Variants in TGFB2 observed in about 807,000 individuals in gnomAD.
TGFB2 encodes transforming growth factor beta 2.
TGFB2 carries 13 observed loss-of-function variants against 42.7 expected under a neutral mutation model. The observed-to-expected ratio is 0.30, with a 90% CI of 0.20 to 0.48. The LOEUF (loss-of-function observed/expected upper bound fraction) is 0.48. TGFB2 is among the 20% of genes least tolerant of loss of function. The probability of loss-of-function intolerance (pLI) is 0.99; values close to 1 mark genes in which losing one functional copy is unlikely to be tolerated. For missense variants in TGFB2, 390 were observed against 517.5 expected, an observed-to-expected ratio of 0.75 and a Z score of 2.39; for synonymous variants, 193 against 193.6, an observed-to-expected ratio of 1.00 and a Z score of 0.03.
intron 1 of TGFB2, among the ~76,000 whole-genome samples, chr1:218,350,004 T>G (rs2102531258): frequency 6.6e-6 from 1 of 152,322 alleles, no homozygotes; most frequent in Non-Finnish European, 1.5e-5. Flanking sequence ...TATGCTAAGG[T>G]TTACCGATAG....
At chr1:218,358,785 G>T (rs1657119848) in intron 1 of TGFB2, among the ~76,000 whole-genome samples, 1 of 152,000 alleles carries the variant, frequency 6.6e-6, no homozygotes, top group Non-Finnish European at 1.5e-5. Flanking sequence ...CTCATGATCT[G>T]CCTGCCTTGG....
At chr1:218,393,361 G>C (rs1203051536) in intron 1 of TGFB2, among the ~76,000 whole-genome samples, 2 of 152,190 alleles carry the variant, frequency 1.3e-5, no homozygotes, top group Non-Finnish European at 2.9e-5. Flanking sequence ...TTCTTAATCT[G>C]TAAAAGAGAT....
intron 1 of TGFB2, among the ~76,000 whole-genome samples, chr1:218,355,936 T>C (rs1011371486): frequency 6.6e-6 from 1 of 152,178 alleles, no homozygotes; most frequent in Non-Finnish European, 1.5e-5. Flanking sequence ...TGAAATCACA[T>C]AAAGGTTTGT....
Position 218,348,173 on chromosome 1 carries a change from G to A in TGFB2, c.346+1126G>A, listed in dbSNP as rs1041101268. ...GAAGAAAAAGAAAAGTGGGGGCGGGGTGGGGGGAACCTCTTCAACATTTGT... is the reference window on the plus strand; with the variant it reads ...GAAGAAAAAGAAAAGTGGGGGCGGGATGGGGGGAACCTCTTCAACATTTGT... On this transcript the variant is annotated intron_variant, in intron 1 of 6. Coordinates refer to ENST00000366930, the MANE Select transcript of TGFB2 (RefSeq NM_003238.6). 1.3e-5 allele frequency among the ~76,000 whole-genome samples: 2 copies of A among 152,026 alleles called. 1 individual carries two copies. Among genetic ancestry groups the A allele is most frequent in the South Asian group, 4.2e-4 (2 of 4,816 alleles).
rs796089981 is a variant in TGFB2 at position 218,442,465 on chromosome 1, T to A, written c.*1103T>A. ...TTTTATATTCTGTAATAATGTCAACTATGATTTAGATTGACTTAAATTTGG... is the reference window on the plus strand; with the variant it reads ...TTTTATATTCTGTAATAATGTCAACAATGATTTAGATTGACTTAAATTTGG... On this transcript the variant is annotated 3_prime_UTR_variant, in exon 7 of 7. Coordinates refer to ENST00000366930, the MANE Select transcript of TGFB2 (RefSeq NM_003238.6). 2.0e-5 allele frequency: 3 copies of A among 152,184 alleles called. No individual in the cohort carries two copies. The highest frequency in any genetic ancestry group is 7.2e-5 in the African/African-American group (3 of 41,468). The allele number at this position is 152,184 out of a possible 1,614,324, so 9.4% of individuals were successfully genotyped here.
At chr1:218,368,071 A>T (rs1571841207) in intron 1 of TGFB2, among the ~76,000 whole-genome samples, 1 of 152,072 alleles carries the variant, frequency 6.6e-6, no homozygotes, top group Non-Finnish European at 1.5e-5. Flanking sequence ...AAAGTGCTGG[A>T]ATCACAGGCA....
intron 1 of TGFB2, among the ~76,000 whole-genome samples, chr1:218,396,806 C>T (rs1415488443): frequency 6.6e-6 from 1 of 152,140 alleles, no homozygotes; most frequent in Non-Finnish European, 1.5e-5. Flanking sequence ...GGGACTTCAA[C>T]CCAGGCATCA....
At chr1:218,367,889 G>A (rs1257488568) in intron 1 of TGFB2, among the ~76,000 whole-genome samples, 4 of 151,942 alleles carry the variant, frequency 2.6e-5, no homozygotes, top group Middle Eastern at 3.2e-3. Context: ...TGCAACCTCC[G>A]CCTCCCAGGT....
chr1:218,370,815 C>A (rs948775654), intron 1 of TGFB2, among the ~76,000 whole-genome samples: 1 of 152,134 alleles, frequency 6.6e-6, no homozygotes, highest in Non-Finnish European at 1.5e-5. Context: ...TTGTCTTTAC[C>A]CACATTCCAT....
chr1:218,387,031 G>C (rs1026814492), intron 1 of TGFB2, among the ~76,000 whole-genome samples: 1 of 152,186 alleles, frequency 6.6e-6, no homozygotes, highest in African/African-American at 2.4e-5. Context: ...AAAGAATGGA[G>C]AAATTCATTG....
chr1:218,423,824 C>T (rs1414593946), intron 2 of TGFB2, among the ~76,000 whole-genome samples: 2 of 152,204 alleles, frequency 1.3e-5, no homozygotes, highest in Non-Finnish European at 2.9e-5. Flanking sequence ...GTGACTGATG[C>T]TCTCCCTACT....
chr1:218,358,548 C>CTTT (rs34141354), intron 1 of TGFB2, among the ~76,000 whole-genome samples: 14 of 134,050 alleles, frequency 1.0e-4, no homozygotes, highest in African/African-American at 2.0e-4. Context: ...ATAGTGAACT[C>CTTT]TTTTTTTTTT....
intron 1 of TGFB2, among the ~76,000 whole-genome samples, chr1:218,359,439 T>A (rs1002073473): frequency 6.6e-6 from 1 of 152,208 alleles, no homozygotes; most frequent in Non-Finnish European, 1.5e-5. Flanking sequence ...ACACTTTTCT[T>A]CTACGTAGAA....
At chr1:218,417,663 C>G (rs1659325503) in intron 2 of TGFB2, among the ~76,000 whole-genome samples, 1 of 152,178 alleles carries the variant, frequency 6.6e-6, no homozygotes, top group African/African-American at 2.4e-5. Context: ...CATGGCAGCC[C>G]CTCCCATCAT....
rs906145795 is a variant in TGFB2, at chr1:218,345,800, G to C, written c.-902G>C. 3.9e-5 allele frequency: 6 copies of C among 152,670 alleles called. No individual in the cohort carries two copies. Among genetic ancestry groups the C allele is most frequent in the African/African-American group, 1.4e-4 (6 of 41,454 alleles). 9.5% of individuals were successfully genotyped at this position (152,670 alleles called of 1,614,324 possible). On this transcript the variant is annotated 5_prime_UTR_variant, in exon 1 of 7. Coordinates refer to ENST00000366930, the MANE Select transcript of TGFB2 (RefSeq NM_003238.6). The stretch of plus-strand genomic sequence containing the variant: ...GTGGCTGGGTTGGCGTTTGGAGCAA[G>C]AGAAGGAGGAGCAGGAGAAGGAGGG...
intron 1 of TGFB2, among the ~76,000 whole-genome samples, chr1:218,356,048 C>T (rs572345660): frequency 6.6e-6 from 1 of 152,196 alleles, no homozygotes; most frequent in South Asian, 2.1e-4. Flanking sequence ...CCCTCAGAAA[C>T]GTTTTCTAGT....
chr1:218,440,076 T>C (rs533597038), intron 6 of TGFB2, among the ~76,000 whole-genome samples: 1 of 152,316 alleles, frequency 6.6e-6, no homozygotes, highest in Non-Finnish European at 1.5e-5. Flanking sequence ...CTCACACCCC[T>C]CTGATACAGA....
intron 2 of TGFB2, among the ~76,000 whole-genome samples, chr1:218,428,592 A>T (rs1659703090): frequency 6.6e-6 from 1 of 152,192 alleles, no homozygotes; most frequent in South Asian, 2.1e-4. Flanking sequence ...TTAAATAGGG[A>T]ATCCTTTCTC....
intron 1 of TGFB2, 39 bp downstream of exon 1, chr1:218,347,086 C>T (rs1656712109): frequency 2.0e-6 from 3 of 1,536,424 alleles, no homozygotes; most frequent in East Asian, 2.4e-5. Context: ...TGAGGTTTAG[C>T]TCTGCCCGGA....
Sources: allele counts gnomAD v4.1 joint callset (sites outside exome capture counted in the v4.1 genomes callset), GRCh38; gene constraint gnomAD v4.1.1; transcripts MANE v1.5; gene names NCBI Gene and HGNC (gene_info 2026-07-23, HGNC 2026-07-21).